The following CCDC138 variants were observed in gnomAD, a reference collection of about 807,000 sequenced individuals.
CCDC138 encodes the protein coiled-coil domain containing 138.
Under a neutral mutation model 82.3 loss-of-function variants are expected in CCDC138, and 66 were observed. The observed-to-expected ratio is 0.80, with a 90% CI of 0.66 to 0.98. The LOEUF (loss-of-function observed/expected upper bound fraction) is 0.98, where lower values mean the gene tolerates loss of function less well. Among genes scored for constraint, CCDC138 ranks in the 50% least tolerant of loss-of-function variants. The pLI is 0.00. For missense variants in CCDC138, 816 were observed against 758.9 expected, an observed-to-expected ratio of 1.08 and a Z score of -0.88; for synonymous variants, 297 against 265.4, an observed-to-expected ratio of 1.12 and a Z score of -1.16.
intron 10 of CCDC138, among the ~76,000 whole-genome samples, chr2:108,828,854 T>C (rs571116949): frequency 3.9e-4 from 59 of 152,202 alleles, no homozygotes; most frequent in African/African-American, 1.3e-3. Context: ...GGCAGGCACC[T>C]GTAATCCCAG....
At chr2:108,804,074 C>T (rs1553404186) in intron 6 of CCDC138, among the ~76,000 whole-genome samples, 1 of 151,858 alleles carries the variant, frequency 6.6e-6, no homozygotes, top group African/African-American at 2.4e-5. Context: ...TTGTCTTATT[C>T]TTGATTCTCT....
At chr2:108,800,059 C>T (rs185317930) in intron 6 of CCDC138, among the ~76,000 whole-genome samples, 2 of 152,106 alleles carry the variant, frequency 1.3e-5, no homozygotes, top group African/African-American at 4.8e-5. Flanking sequence ...CTATGTATCA[C>T]CTGTATCATC....
chr2:108,831,809 T>C (rs188083809), intron 10 of CCDC138, among the ~76,000 whole-genome samples: 1 of 151,952 alleles, frequency 6.6e-6, no homozygotes, highest in South Asian at 2.1e-4. Context: ...CTCGGCCCAC[T>C]GCAACTACTG....
chr2:108,820,722 A>AAAAC (rs1558672267), intron 10 of CCDC138, among the ~76,000 whole-genome samples: 3 of 148,416 alleles, frequency 2.0e-5, no homozygotes, highest in African/African-American at 5.0e-5. Flanking sequence ...AAAACAAACA[A>AAAAC]CAAAACTGTT....
chr2:108,820,276 C>G (rs1219927753), intron 10 of CCDC138, among the ~76,000 whole-genome samples: 1 of 151,904 alleles, frequency 6.6e-6, no homozygotes, highest in East Asian at 1.9e-4. Context: ...AAAATTATGT[C>G]AGAGGAGCAA....
chr2:108,859,908 A>G (rs1246253225), intron 13 of CCDC138, among the ~76,000 whole-genome samples: 2 of 152,118 alleles, frequency 1.3e-5, no homozygotes, highest in Non-Finnish European at 2.9e-5. Flanking sequence ...AACCATTTAA[A>G]TGATCTTAAT....
chr2:108,811,247 CTT>C (rs55661786), intron 7 of CCDC138, among the ~76,000 whole-genome samples: 5 of 113,900 alleles, frequency 4.4e-5, no homozygotes, highest in Non-Finnish European at 3.3e-5. Context: ...TTCTCTCTCT[CTT>C]TTTTTTTTTT....
At position 108,839,212 on chromosome 2, in the gene CCDC138, C is replaced by T. The variant is rs757372161; in HGVS notation, c.1234C>T (p.Gln412Ter). The change falls in exon 11 of 15, where the codon CAG becomes TAG. Residue 412 changes from glutamine to a stop codon, truncating the protein, a stop_gained. Coordinates refer to ENST00000295124, the MANE Select transcript of CCDC138 (RefSeq NM_144978.3). LOFTEE classifies it high-confidence loss of function. ...TTTGCCTCTAATGACAGAGCAGCTACAGTGGATGCCATTTGTGAATATCAA... is the reference window on the plus strand; with the variant it reads ...TTTGCCTCTAATGACAGAGCAGCTATAGTGGATGCCATTTGTGAATATCAA... ...KLLPLMTEQLQWMPFVNIKLH... is the reference protein window; with the variant it reads ...KLLPLMTEQL 7 of 1,611,416 alleles carry T rather than the reference C, an allele frequency of 4.3e-6. No individual in the cohort carries two copies. The highest frequency in any genetic ancestry group is 1.7e-5 in the Admixed American group (1 of 59,844).
At chr2:108,846,972 T>G in intron 12 of CCDC138, 42 bp downstream of exon 12, 1 of 1,086,806 alleles carries the variant, frequency 9.2e-7, no homozygotes, top group Non-Finnish European at 1.4e-6. Flanking sequence ...TGAGAAACAA[T>G]AGAGAATATC....
At chr2:108,833,894 ATTTTTTTTTTTTT>A (rs749488565) in intron 10 of CCDC138, among the ~76,000 whole-genome samples, 1 of 79,242 alleles carries the variant, frequency 1.3e-5, no homozygotes, top group Admixed American at 1.8e-4. Flanking sequence ...CGCCCGGCTA[ATTTTTTTTTTTTT>A]TTTTTTTTTT....
At chr2:108,821,766 G>A (rs1685743712) in intron 10 of CCDC138, among the ~76,000 whole-genome samples, 2 of 151,990 alleles carry the variant, frequency 1.3e-5, no homozygotes, top group South Asian at 4.2e-4. Flanking sequence ...TCAACATGGT[G>A]AAACCCCATC....
At chr2:108,823,085 A>G (rs1391281964) in intron 10 of CCDC138, among the ~76,000 whole-genome samples, 2 of 152,226 alleles carry the variant, frequency 1.3e-5, no homozygotes. Flanking sequence ...ACAGCTTTCC[A>G]AGACTGAATC....
intron 1 of CCDC138, chr2:108,882,153 C>CAA (rs1219596018): frequency 2.2e-5 from 2 of 90,218 alleles, no homozygotes; most frequent in Non-Finnish European, 2.3e-5. Flanking sequence ...GACCCTGTCT[C>CAA]AAAAAAAAAA....
At chr2:108,824,986 A>C (rs1223067761) in intron 10 of CCDC138, among the ~76,000 whole-genome samples, 3 of 152,160 alleles carry the variant, frequency 2.0e-5, no homozygotes, top group Non-Finnish European at 4.4e-5. Flanking sequence ...TTCAGAGGGA[A>C]CTCTTTCATA....
intron 12 of CCDC138, among the ~76,000 whole-genome samples, chr2:108,851,877 C>T (rs891084403): frequency 3.9e-5 from 6 of 152,166 alleles, no homozygotes; most frequent in African/African-American, 1.2e-4. Flanking sequence ...TATACCTTAT[C>T]TCTGAATACT....
At chr2:108,844,510 A>G (rs559539620) in intron 11 of CCDC138, among the ~76,000 whole-genome samples, 4 of 152,266 alleles carry the variant, frequency 2.6e-5, no homozygotes, top group South Asian at 2.1e-4. Context: ...TTGTCAGACA[A>G]TTCTAACATT....
chr2:108,873,579 T>G lies in CCDC138; in HGVS notation c.1822T>G (p.Ser608Ala). ...ACTCAGTATTATTTTACAGAAACTT[T>G]CCAAAATCAAGTAAGAATTTCTTAT... ...EKLSIILQKL[S>A]KIKSNKKLFE... The change falls in exon 14 of 15, where the codon TCC (serine) becomes GCC (alanine). Residue 608 changes from serine to alanine, a missense_variant. Coordinates refer to ENST00000295124, the MANE Select transcript of CCDC138 (RefSeq NM_144978.3). The G allele has an allele frequency of 1.3e-6, 2 of 1,593,578 alleles. No homozygotes were observed. Among genetic ancestry groups the G allele is most frequent in the South Asian group, 2.3e-5 (2 of 87,394 alleles).
chr2:108,861,584 G>A (rs542374664), intron 13 of CCDC138, among the ~76,000 whole-genome samples: 2 of 150,172 alleles, frequency 1.3e-5, no homozygotes, highest in Admixed American at 1.3e-4. Context: ...GGGTTCAAGC[G>A]ATTCTTCTGC....
chr2:108,858,329 G>A (rs561159483), intron 13 of CCDC138, among the ~76,000 whole-genome samples: 6 of 152,246 alleles, frequency 3.9e-5, no homozygotes, highest in African/African-American at 1.4e-4. Flanking sequence ...GGGTGCCAGA[G>A]TAAGTCTCCG....
Sources: gnomAD v4.1 joint callset for allele counts (sites outside exome capture counted in the v4.1 genomes callset) on GRCh38, gnomAD v4.1.1 for gene constraint, MANE v1.5 for transcripts, NCBI Gene and HGNC (gene_info 2026-07-23, HGNC 2026-07-21) for gene names.